Variants in ATXN7 observed in about 807,000 individuals in gnomAD.
The protein encoded by ATXN7 is ataxin 7, also known as ataxin-7.
In ATXN7, 12 loss-of-function variants were observed where a neutral mutation model predicts 70.5. That is an observed-to-expected ratio of 0.17 (90% CI 0.11 to 0.28). The LOEUF (loss-of-function observed/expected upper bound fraction) is 0.28, where lower values mean the gene tolerates loss of function less well. Among genes scored for constraint, ATXN7 ranks in the 10% least tolerant of loss-of-function variants. ATXN7 has a pLI of 1.00. For synonymous variants in ATXN7, 498 were observed against 448.7 expected (o/e 1.11, Z -1.39); for missense variants, 1,256 against 1,131.7 (o/e 1.11, Z -1.58).
intron 4 of ATXN7, among the ~76,000 whole-genome samples, chr3:63,945,361 A>T (rs2074842572): frequency 6.6e-6 from 1 of 152,234 alleles, no homozygotes; most frequent in Admixed American, 6.5e-5. Flanking sequence ...AGCACAAAAG[A>T]ATTTGTCAAC....
intron 4 of ATXN7, among the ~76,000 whole-genome samples, chr3:63,927,132 G>T (rs189221512): frequency 6.6e-6 from 1 of 152,158 alleles, no homozygotes; most frequent in Admixed American, 6.5e-5. Flanking sequence ...ATACGTGTAC[G>T]TGTGCCTTTA....
At position 63,988,317 on chromosome 3, in the gene ATXN7, C is replaced by G; in HGVS notation, c.1354C>G (p.Leu452Val). 1.2e-6 allele frequency: 2 copies of G among 1,614,122 alleles called. No homozygotes were observed. Among genetic ancestry groups the G allele is most frequent in the Non-Finnish European group, 1.7e-6 (2 of 1,180,026 alleles). The part of the protein sequence containing the change: ...ASKPKPHTPS[L>V]PRPPGCPAQQ... Reference sequence around the variant, plus strand: ...TAAACCTAAACCTCACACCCCCAGTCTTCCAAGGTAAGCCAGGCCCTCCAA... The same window carrying G: ...TAAACCTAAACCTCACACCCCCAGTGTTCCAAGGTAAGCCAGGCCCTCCAA... Residue 452 changes from leucine (L) to valine (V), a missense_variant, in exon 9 of 13, where the codon CTT becomes GTT. By Grantham distance (32) the Leu-to-Val change is conservative. Transcript: ENST00000674280.
At chr3:63,884,238 C>G (rs956855277) in intron 1 of ATXN7, among the ~76,000 whole-genome samples, 1 of 115,040 alleles carries the variant, frequency 8.7e-6, no homozygotes, top group African/African-American at 3.0e-5. Context: ...CACACACACA[C>G]ACATACTCTC....
intron 2 of ATXN7, among the ~76,000 whole-genome samples, chr3:63,908,775 C>G (rs1703922716): frequency 6.6e-6 from 1 of 152,116 alleles, no homozygotes; most frequent in African/African-American, 2.4e-5. Flanking sequence ...GGCCTTGGAA[C>G]AAAACATTTT....
At chr3:63,969,076 G>A (rs952171713) in intron 5 of ATXN7, among the ~76,000 whole-genome samples, 1 of 152,076 alleles carries the variant, frequency 6.6e-6, no homozygotes, top group African/African-American at 2.4e-5. Context: ...GACAGCCCTG[G>A]CATGCAGGTG....
chr3:63,880,913 T>C (rs1221740781), intron 1 of ATXN7, among the ~76,000 whole-genome samples: 2 of 152,248 alleles, frequency 1.3e-5, no homozygotes, highest in Non-Finnish European at 2.9e-5. Context: ...TCCTCAGTGC[T>C]GAGCATGGCG....
At chr3:63,990,126 T>C in intron 9 of ATXN7, 50 bp from the exon 10 acceptor site, 1 of 1,577,196 alleles carries the variant, frequency 6.3e-7, no homozygotes, top group South Asian at 1.1e-5. Flanking sequence ...TTAAGGTGGC[T>C]GATTCCCAGG....
At chr3:63,903,055 TATCATC>T (rs770295546) in intron 2 of ATXN7, among the ~76,000 whole-genome samples, 50 of 151,418 alleles carry the variant, frequency 3.3e-4, no homozygotes, top group East Asian at 9.7e-4. Context: ...TGCATAGACT[TATCATC>T]ATCATCATCA....
chr3:63,951,428 A>G (rs1007828743), intron 4 of ATXN7, among the ~76,000 whole-genome samples: 1 of 152,168 alleles, frequency 6.6e-6, no homozygotes, highest in Non-Finnish European at 1.5e-5. Flanking sequence ...TTGTCCTTTA[A>G]ACTTGGTATT....
At chr3:63,948,982 T>C (rs780496005) in intron 4 of ATXN7, among the ~76,000 whole-genome samples, 6 of 152,258 alleles carry the variant, frequency 3.9e-5, no homozygotes, top group Non-Finnish European at 8.8e-5. Flanking sequence ...GTATATTTTG[T>C]AAACTTTTTA....
intron 1 of ATXN7, among the ~76,000 whole-genome samples, chr3:63,896,662 T>G (rs1703458517): frequency 6.6e-6 from 1 of 152,192 alleles, no homozygotes; most frequent in Non-Finnish European, 1.5e-5. Flanking sequence ...TGTAATAGGT[T>G]TTTTCCCATA....
At chr3:63,863,722 G>T (rs896569244), upstream of ATXN7, 1 of 1,248,402 alleles carries the variant, frequency 8.0e-7, no homozygotes, top group Admixed American at 4.2e-5. Context: ...TCTCAGGGGA[G>T]GCCCAGCGGG....
chr3:63,937,875 A>G (rs11917435), intron 4 of ATXN7, among the ~76,000 whole-genome samples: 1,633 of 152,260 alleles, frequency 0.011, 22 homozygotes, highest in African/African-American at 0.035. Context: ...TGGGGTTAAG[A>G]ATGGTACCTA....
chr3:63,906,209 G>A (rs1258392317), intron 2 of ATXN7, among the ~76,000 whole-genome samples: 3 of 152,214 alleles, frequency 2.0e-5, no homozygotes, highest in Admixed American at 2.0e-4. Flanking sequence ...TTGAGAAGCA[G>A]TACAAACCCA....
At chr3:63,881,568 G>A (rs527496223) in intron 1 of ATXN7, among the ~76,000 whole-genome samples, 18 of 149,282 alleles carry the variant, frequency 1.2e-4, no homozygotes, top group Non-Finnish European at 2.4e-4. Flanking sequence ...AGCTCACTGC[G>A]ACCTCTGCCT....
chr3:63,968,045 C>T (rs2075255341), intron 5 of ATXN7: 7 of 1,282,256 alleles, frequency 5.5e-6, no homozygotes, highest in African/African-American at 1.5e-5. Flanking sequence ...AGCCTGTGGA[C>T]GGTGGGGTAG....
At chr3:63,955,812 C>G (rs1384360396) in intron 5 of ATXN7, among the ~76,000 whole-genome samples, 1 of 152,168 alleles carries the variant, frequency 6.6e-6, no homozygotes, top group African/African-American at 2.4e-5. Context: ...CCATCTGTGA[C>G]TTTTATGAAC....
At chr3:63,984,542 C>T (rs913558106) in intron 8 of ATXN7, among the ~76,000 whole-genome samples, 30 of 152,182 alleles carry the variant, frequency 2.0e-4, no homozygotes, top group African/African-American at 6.8e-4. Flanking sequence ...TGCGCTCTTC[C>T]TGCCTACCTG....
intron 1 of ATXN7, among the ~76,000 whole-genome samples, 72 bp downstream of exon 1, chr3:63,864,230 C>T (rs1348700146): frequency 2.7e-5 from 4 of 150,680 alleles, no homozygotes; most frequent in Non-Finnish European, 5.9e-5. Flanking sequence ...AGTCGGGGTC[C>T]CGGCTTCTTC....
Sources: gnomAD v4.1 joint callset for allele counts (sites outside exome capture counted in the v4.1 genomes callset) on GRCh38, gnomAD v4.1.1 for gene constraint, MANE v1.5 for transcripts, NCBI Gene and HGNC (gene_info 2026-07-23, HGNC 2026-07-21) for gene names.